The following ZNF346 variants were observed in gnomAD, a reference collection of about 807,000 sequenced individuals.
The protein encoded by ZNF346 is double-stranded RNA-binding zinc finger protein JAZ.
A neutral mutation model predicts 33.7 loss-of-function variants in ZNF346; 23 were observed. The observed-to-expected ratio is 0.68, with a 90% CI of 0.49 to 0.97. ZNF346 has a LOEUF of 0.97. ZNF346 is among the 50% of genes least tolerant of loss of function. ZNF346 has a pLI of 0.00. For missense variants in ZNF346, 340 were observed against 371.1 expected, an observed-to-expected ratio of 0.92 and a Z score of 0.69; for synonymous variants, 134 against 142.4, an observed-to-expected ratio of 0.94 and a Z score of 0.42.
At chr5:177,025,269 C>T (rs1561956657) in intron 1 of ZNF346, among the ~76,000 whole-genome samples, 1 of 152,178 alleles carries the variant, frequency 6.6e-6, no homozygotes, top group Non-Finnish European at 1.5e-5. Context: ...AATAGAATTC[C>T]ATTGAATGAA....
At chr5:177,029,481 G>A (rs1406773256) in intron 1 of ZNF346, among the ~76,000 whole-genome samples, 1 of 152,176 alleles carries the variant, frequency 6.6e-6, no homozygotes, top group Non-Finnish European at 1.5e-5. Flanking sequence ...AGAGGCCAAG[G>A]CAAGAATGTT....
At chr5:177,073,085 A>G (rs1209365465) in intron 8 of ZNF346, among the ~76,000 whole-genome samples, 1 of 152,060 alleles carries the variant, frequency 6.6e-6, no homozygotes. Flanking sequence ...AGCCCTTAAT[A>G]TGCTGTGTTA....
chr5:177,053,853 G>T (rs1781303126), intron 5 of ZNF346, among the ~76,000 whole-genome samples: 2 of 152,124 alleles, frequency 1.3e-5, no homozygotes, highest in South Asian at 4.1e-4. Context: ...AACCCCCCAT[G>T]GATATCTGAA....
At chr5:177,062,834 A>G (rs2149705406) in intron 6 of ZNF346, among the ~76,000 whole-genome samples, 1 of 152,300 alleles carries the variant, frequency 6.6e-6, no homozygotes, top group East Asian at 1.9e-4. Flanking sequence ...TTCCCATTTT[A>G]TACATATAGA....
At chr5:177,064,299 A>G (rs993201649) in intron 6 of ZNF346, among the ~76,000 whole-genome samples, 2 of 152,196 alleles carry the variant, frequency 1.3e-5, no homozygotes, top group African/African-American at 4.8e-5. Flanking sequence ...TGTATGTAAA[A>G]TGAGGGTGCT....
intron 4 of ZNF346, among the ~76,000 whole-genome samples, chr5:177,045,907 T>C (rs1388441629): frequency 1.3e-5 from 2 of 152,190 alleles, no homozygotes; most frequent in Non-Finnish European, 2.9e-5. Flanking sequence ...TGTTACTGTT[T>C]ATATGACTTT....
chr5:177,055,437 T>A (rs1228183650), intron 5 of ZNF346, among the ~76,000 whole-genome samples: 2 of 152,150 alleles, frequency 1.3e-5, no homozygotes, highest in Non-Finnish European at 2.9e-5. Context: ...AAACTGGAAA[T>A]TGACTCTATA....
At chr5:177,060,967 C>G (rs1482518183) in intron 5 of ZNF346, among the ~76,000 whole-genome samples, 3 of 151,820 alleles carry the variant, frequency 2.0e-5, no homozygotes, top group Non-Finnish European at 4.4e-5. Context: ...AAAAAATTAG[C>G]TAGGTGTGGT....
chr5:177,049,763 G>A (rs987066926), intron 4 of ZNF346, among the ~76,000 whole-genome samples: 3 of 152,140 alleles, frequency 2.0e-5, no homozygotes, highest in African/African-American at 7.2e-5. Flanking sequence ...TCTGAATAAT[G>A]TGGCAAAGTG....
intron 5 of ZNF346, chr5:177,052,691 A>C (rs917063283): frequency 1.3e-5 from 2 of 152,124 alleles, no homozygotes; most frequent in Non-Finnish European, 2.9e-5. Context: ...TGCCTCCCCC[A>C]TTCTTTGGTT....
At chr5:177,054,518 C>T (rs912517249) in intron 5 of ZNF346, among the ~76,000 whole-genome samples, 3 of 152,142 alleles carry the variant, frequency 2.0e-5, no homozygotes, top group Non-Finnish European at 4.4e-5. Context: ...CCTGCCTCAG[C>T]CTCCCGTGTA....
At chr5:177,062,768 A>G (rs1048825477) in intron 6 of ZNF346, among the ~76,000 whole-genome samples, 5 of 152,216 alleles carry the variant, frequency 3.3e-5, no homozygotes, top group South Asian at 2.1e-4. Context: ...TGCAGGCCAT[A>G]TGTCAAGCAG....
chr5:177,034,058 G>GT (rs1778116237), intron 1 of ZNF346, among the ~76,000 whole-genome samples: 1 of 150,410 alleles, frequency 6.6e-6, no homozygotes, highest in Admixed American at 6.6e-5. Context: ...ATTTTTTGTA[G>GT]TTTTTTATAG....
rs1412615225 is a variant in ZNF346, at chr5:177,077,223, A to T, written c.*3-2159A>T. The stretch of plus-strand genomic sequence containing the variant: ...GGAAATTTATTAAAAGGTTTTAAAC[A>T]AATAGCAGTGAAAACAGGATGAATT... On this transcript the variant is annotated intron_variant, in intron 8 of 8. Transcript: ENST00000503039. This position sits in a 1 kb window ranked among gnomAD's most constrained non-coding sequence, Gnocchi z 5.0. Among the ~76,000 whole-genome samples the T allele has an allele frequency of 6.6e-6, 1 of 152,242 alleles. No individual in the cohort carries two copies. The highest frequency in any genetic ancestry group is 1.5e-5 in the Non-Finnish European group (1 of 68,042).
At chr5:177,061,907 G>A (rs1451183993) in intron 5 of ZNF346, 151 bp from the exon 6 acceptor site, 3 of 659,012 alleles carry the variant, frequency 4.6e-6, no homozygotes, top group Non-Finnish European at 5.5e-6. Flanking sequence ...TGCCTCCTTA[G>A]CACTGTGGCC....
chr5:177,024,200 C>CTT (rs781744965), intron 1 of ZNF346, among the ~76,000 whole-genome samples: 36,436 of 86,750 alleles, frequency 0.42, 10,518 homozygotes, highest in African/African-American at 0.54. Flanking sequence ...GCCCTCTCTC[C>CTT]TTTTTTTTTT....
intron 1 of ZNF346, among the ~76,000 whole-genome samples, chr5:177,038,404 C>A (rs930952037): frequency 2.6e-4 from 39 of 151,424 alleles, no homozygotes; most frequent in African/African-American, 9.2e-4. Context: ...TGAGCCACCA[C>A]AACCGGCCCT....
intron 1 of ZNF346, among the ~76,000 whole-genome samples, chr5:177,027,198 G>A (rs939116726): frequency 1.1e-4 from 16 of 151,478 alleles, no homozygotes; most frequent in Admixed American, 9.9e-4. Flanking sequence ...GATTACAGGC[G>A]CCTGCCAGCA....
At chr5:177,051,136 C>T (rs1780803870) in intron 5 of ZNF346, among the ~76,000 whole-genome samples, 200 bp downstream of exon 5, 1 of 150,942 alleles carries the variant, frequency 6.6e-6, no homozygotes, top group South Asian at 2.1e-4. Flanking sequence ...GCCATTCCTA[C>T]TCAGCTGTTA....
Sources: allele counts gnomAD v4.1 joint callset (sites outside exome capture counted in the v4.1 genomes callset), GRCh38; gene constraint gnomAD v4.1.1; non-coding constraint Gnocchi (gnomAD v3.1); transcripts MANE v1.5; gene names NCBI Gene and HGNC (gene_info 2026-07-23, HGNC 2026-07-21).